ZNF18: variants seen among roughly 807,000 people sequenced by gnomAD.
The protein encoded by ZNF18 is heart development-specific gene 1 protein.
In ZNF18, 42 loss-of-function variants were observed where a neutral mutation model predicts 58.1. The observed-to-expected ratio is 0.72, with a 90% CI of 0.56 to 0.93. The LOEUF is 0.93. Among genes scored for constraint, ZNF18 ranks in the 40% least tolerant of loss-of-function variants. The probability of loss-of-function intolerance (pLI) is 0.00; values close to 1 mark genes in which losing one functional copy is unlikely to be tolerated. For missense variants in ZNF18, 540 were observed against 644.2 expected (o/e 0.84, Z 1.75); for synonymous variants, 231 against 239.8 (o/e 0.96, Z 0.34).
intron 1 of ZNF18, chr17:11,995,586 GGTA>G (rs1443637088): frequency 6.6e-6 from 1 of 151,920 alleles, no homozygotes; most frequent in Non-Finnish European, 1.5e-5. Flanking sequence ...AGGAGGCTGA[GGTA>G]GGAGAACAGC....
the ZNF18 span, among the ~76,000 whole-genome samples, chr17:12,019,162 C>A: frequency 6.6e-6 from 1 of 151,918 alleles, no homozygotes; most frequent in Non-Finnish European, 1.5e-5. Flanking sequence ...CAGGGTTTCA[C>A]CACGTTGGCC....
intron 5 of ZNF18, 37 bp from the exon 6 acceptor site, chr17:11,983,444 T>A (rs202032742): frequency 8.6e-5 from 130 of 1,519,524 alleles, no homozygotes; most frequent in Non-Finnish European, 1.2e-4. Flanking sequence ...CCTGGATGAA[T>A]AGGGAAGACT....
At chr17:12,021,257 A>C in the ZNF18 span, 264,327 of 264,328 alleles carry the variant, frequency 1, 132,163 homozygotes, top group Non-Finnish European at 1. Context: ...GGCTCTCAGC[A>C]GGCCCGCAGG....
the ZNF18 span, chr17:12,021,135 C>G: frequency 4.4e-6 from 2 of 456,596 alleles, no homozygotes; most frequent in Non-Finnish European, 6.8e-6. Flanking sequence ...TCTCTCCCTC[C>G]CCGGCTTCCC....
At chr17:12,016,459 C>T in the ZNF18 span, among the ~76,000 whole-genome samples, 2 of 151,732 alleles carry the variant, frequency 1.3e-5, no homozygotes, top group Non-Finnish European at 2.9e-5. Context: ...CCTCCTGAGT[C>T]GCTGGGATTA....
intron 1 of ZNF18, among the ~76,000 whole-genome samples, chr17:11,996,210 A>C (rs144310608): frequency 1.3e-5 from 2 of 152,352 alleles, no homozygotes; most frequent in African/African-American, 4.8e-5. Context: ...AAGCAGCTTT[A>C]GCTCAGAGGT....
upstream of ZNF18, among the ~76,000 whole-genome samples, chr17:12,001,807 AATT>A (rs898720449): frequency 3.2e-4 from 48 of 152,254 alleles, no homozygotes; most frequent in African/African-American, 1.1e-3. Flanking sequence ...ATAAATATAT[AATT>A]ATTATTCATG....
intron 1 of ZNF18, 119 bp from the exon 2 acceptor site, chr17:11,993,030 T>C (rs1567608203): frequency 3.4e-6 from 2 of 596,560 alleles, no homozygotes; most frequent in Non-Finnish European, 5.8e-6. Context: ...TTGAAATTGC[T>C]CAATGGATAC....
the ZNF18 span, among the ~76,000 whole-genome samples, chr17:12,019,676 T>C: frequency 1.3e-5 from 2 of 152,152 alleles, no homozygotes; most frequent in African/African-American, 4.8e-5. Context: ...ATCTGAGCCA[T>C]CAAGATGATG....
chr17:11,995,282 G>A (rs537371671), intron 1 of ZNF18, among the ~76,000 whole-genome samples: 1 of 135,704 alleles, frequency 7.4e-6, no homozygotes, highest in Non-Finnish European at 1.6e-5. Flanking sequence ...GGTGGTGAAT[G>A]CCTGTAATCC....
At chr17:11,990,365 G>GT in intron 4 of ZNF18, 97 bp downstream of exon 4, 1 of 1,043,416 alleles carries the variant, frequency 9.6e-7, no homozygotes, top group Non-Finnish European at 1.4e-6. Context: ...CAGATCAGAG[G>GT]TTTCCTCAGG....
At chr17:12,013,624 C>T in the ZNF18 span, among the ~76,000 whole-genome samples, 1 of 152,256 alleles carries the variant, frequency 6.6e-6, no homozygotes, top group South Asian at 2.1e-4. Context: ...TTAGTTTTGT[C>T]ACCTAATTTA....
chr17:11,984,600 A>C (rs1218931139), intron 4 of ZNF18, among the ~76,000 whole-genome samples: 2 of 149,980 alleles, frequency 1.3e-5, no homozygotes, highest in Non-Finnish European at 3.0e-5. Flanking sequence ...TGCAACCTCC[A>C]CCTCCCAGGT....
chr17:11,992,894 T>C lies in ZNF18; in HGVS notation c.-65A>G. 6.5e-7 allele frequency: 1 copy of C among 1,532,654 alleles called. No homozygotes were observed. The highest frequency in any genetic ancestry group is 8.8e-7 in the Non-Finnish European group (1 of 1,141,924). 94.9% of individuals were successfully genotyped at this position (1,532,654 alleles called of 1,614,324 possible). On this transcript the variant is annotated 5_prime_UTR_variant, in exon 2 of 7. Coordinates refer to ENST00000580306, the MANE Select transcript of ZNF18 (RefSeq NM_001303281.2). Reference sequence around the variant, plus strand: ...CAGTGGAATTGTCTCCGGCAAGAACTAGGTCTTCACCAGGACACTAAAAAG... The same window carrying C: ...CAGTGGAATTGTCTCCGGCAAGAACCAGGTCTTCACCAGGACACTAAAAAG...
At chr17:11,987,979 C>T (rs781014329) in intron 4 of ZNF18, among the ~76,000 whole-genome samples, 4 of 152,100 alleles carry the variant, frequency 2.6e-5, no homozygotes, top group Admixed American at 6.5e-5. Context: ...TTCATATTCA[C>T]GCTACAGCAG....
the ZNF18 span, among the ~76,000 whole-genome samples, chr17:12,007,861 G>A: frequency 1.3e-5 from 2 of 152,086 alleles, no homozygotes; most frequent in African/African-American, 4.8e-5. Context: ...TTGGTGACAC[G>A]TCTGTCACTG....
chr17:11,988,692 G>A (rs919065428), intron 4 of ZNF18, among the ~76,000 whole-genome samples: 5 of 152,078 alleles, frequency 3.3e-5, no homozygotes, highest in African/African-American at 9.7e-5. Context: ...AATAATCCTC[G>A]ACTAAATGTT....
chr17:11,984,298 G>T, intron 4 of ZNF18, 101 bp from the exon 5 acceptor site: 1 of 1,181,156 alleles, frequency 8.5e-7, no homozygotes, highest in Non-Finnish European at 1.2e-6. Flanking sequence ...ACAGAAACGT[G>T]CCATAGGATC....
chr17:11,998,480 T>C (rs1044740621), upstream of ZNF18: 10 of 151,760 alleles, frequency 6.6e-5, no homozygotes, highest in Non-Finnish European at 1.2e-4. Flanking sequence ...TATCATAACA[T>C]GTCCTGTACC....
Sources: gnomAD v4.1 joint callset for allele counts (sites outside exome capture counted in the v4.1 genomes callset) on GRCh38, gnomAD v4.1.1 for gene constraint, MANE v1.5 for transcripts, NCBI Gene and HGNC (gene_info 2026-07-23, HGNC 2026-07-21) for gene names.